The following AIFM2 variants were observed in gnomAD, a reference collection of about 807,000 sequenced individuals.
The protein encoded by AIFM2 is ferroptosis suppressor protein 1.
Under a neutral mutation model 35.7 loss-of-function variants are expected in AIFM2, and 38 were observed. That is an observed-to-expected ratio of 1.06 (90% CI 0.82 to 1.39). AIFM2 has a LOEUF of 1.39. AIFM2 is among the 40% of genes most tolerant of loss of function. The pLI is 0.00. For missense variants in AIFM2, 476 were observed against 491.2 expected, an observed-to-expected ratio of 0.97 and a Z score of 0.29; for synonymous variants, 185 against 203.5, an observed-to-expected ratio of 0.91 and a Z score of 0.77.
intron 3 of AIFM2, 64 bp downstream of exon 3, chr10:70,123,341 G>T: frequency 1.4e-6 from 2 of 1,419,166 alleles, no homozygotes; most frequent in Non-Finnish European, 2.0e-6. Flanking sequence ...GACCCTGGAG[G>T]ATCCCGCCCA....
chr10:70,124,415 G>GTTC (rs2072544244), intron 1 of AIFM2, among the ~76,000 whole-genome samples: 1 of 152,132 alleles, frequency 6.6e-6, no homozygotes, highest in Non-Finnish European at 1.5e-5. Flanking sequence ...TAAACAAAGT[G>GTTC]TTCTGCACAT....
In AIFM2 at chr10:70,114,085, T is replaced by C. The variant is rs1389290832; in HGVS notation, c.*93A>G. On this transcript the variant is annotated 3_prime_UTR_variant, in exon 9 of 9. Transcript: ENST00000307864. ...TCATTGGCATCTTATTCCAGAAGAA[T>C]AGCATTAGTTCTAGCACTTGCCAGG... is the stretch of plus-strand genomic sequence containing the variant. 14 of 1,444,386 alleles carry C rather than the reference T, an allele frequency of 9.7e-6. No individual in the cohort carries two copies. In the Admixed American group the frequency reaches 1.2e-4, roughly 12 times the overall value. 89.5% of individuals were successfully genotyped at this position (1,444,386 alleles called of 1,614,324 possible).
At chr10:70,121,000 A>G in intron 4 of AIFM2, 92 bp downstream of exon 4, 1 of 1,519,980 alleles carries the variant, frequency 6.6e-7, no homozygotes, top group Non-Finnish European at 8.8e-7. Flanking sequence ...AGCTCTGAGT[A>G]ACCCCGTGGC....
Position 70,131,756 on chromosome 10 carries a change from T to G in AIFM2, c.-14+978A>C, listed in dbSNP as rs1181752264. Among the ~76,000 whole-genome samples, 1 of 152,158 alleles carries G rather than the reference T, an allele frequency of 6.6e-6. No individual in the cohort carries two copies. Among genetic ancestry groups the G allele is most frequent in the Non-Finnish European group, 1.5e-5 (1 of 68,016 alleles). On this transcript the variant is annotated intron_variant, in intron 1 of 8. Coordinates refer to ENST00000307864, the MANE Select transcript of AIFM2 (RefSeq NM_032797.6). This position sits in a 1 kb window ranked among gnomAD's most constrained non-coding sequence, Gnocchi z 4.1. ...CTAAGCCTGCCCAGCCCACCCTGGC[T>G]GGGGCTCAGTGCCCTCTTCTTGGTG... is the stretch of plus-strand genomic sequence containing the variant.
rs1352279508 is a variant in AIFM2 at position 70,112,373 on chromosome 10, C to G, written c.*1805G>C. On this transcript the variant is annotated 3_prime_UTR_variant, in exon 9 of 9. Transcript: ENST00000307864. The stretch of plus-strand genomic sequence containing the variant: ...AATATTGTAAGTCAATAGAAGAAGG[C>G]CTGTCGCTCACACACTGGGATTCCC... 2 of 152,312 alleles carry G rather than the reference C, an allele frequency of 1.3e-5. No homozygotes were observed. The highest frequency in any genetic ancestry group is 2.9e-5 in the Non-Finnish European group (2 of 68,024). The allele number at this position is 152,312 out of a possible 1,614,324, so 9.4% of individuals were successfully genotyped here. A position where few individuals can be genotyped will look rare whatever the true frequency, so the allele number is the denominator to read the frequency against.
chr10:70,123,920 G>A lies in AIFM2; in HGVS notation c.165C>T (p.Ala55=). The A allele has an allele frequency of 1.3e-6, 2 of 1,589,746 alleles. No homozygotes were observed. Among genetic ancestry groups the A allele is most frequent in the South Asian group, 1.1e-5 (1 of 89,380 alleles). Reference sequence around the variant, plus strand: ...GGAGCACATTACCTGTCTCCACGGAGGCTCGGAGAGCAGCCACATTGTGGT... The same window carrying A: ...GGAGCACATTACCTGTCTCCACGGAAGCTCGGAGAGCAGCCACATTGTGGT... ...SFHHNVAALR[A]SVETGFAKKT... Residue 55 remains alanine, a synonymous_variant, in exon 2 of 9, where the codon GCC becomes GCT. Coordinates refer to ENST00000307864, the MANE Select transcript of AIFM2 (RefSeq NM_032797.6).
chr10:70,130,871 T>C (rs2072619612), intron 1 of AIFM2, among the ~76,000 whole-genome samples: 1 of 152,144 alleles, frequency 6.6e-6, no homozygotes, highest in Admixed American at 6.5e-5. Flanking sequence ...CAAACCCTGA[T>C]TGTCCAGGAA....
chr10:70,129,874 T>C (rs73273556), intron 1 of AIFM2, among the ~76,000 whole-genome samples: 6,603 of 137,604 alleles, frequency 0.048, 484 homozygotes, highest in African/African-American at 0.15. Context: ...CCAGCCTAGA[T>C]GAGACCCCAT....
At chr10:70,127,890 T>G (rs989448424) in intron 1 of AIFM2, among the ~76,000 whole-genome samples, 1 of 152,186 alleles carries the variant, frequency 6.6e-6, no homozygotes, top group African/African-American at 2.4e-5. Flanking sequence ...CTGCTCTCTC[T>G]CTCTTCTCTC....
chr10:70,126,081 A>G (rs1402324337), intron 1 of AIFM2, among the ~76,000 whole-genome samples: 2 of 152,206 alleles, frequency 1.3e-5, no homozygotes, highest in African/African-American at 4.8e-5. Flanking sequence ...AGCCCAGCAG[A>G]ACCCCAAATT....
intron 1 of AIFM2, among the ~76,000 whole-genome samples, chr10:70,127,362 C>T (rs551974522): frequency 1.7e-4 from 26 of 152,286 alleles, no homozygotes; most frequent in African/African-American, 6.0e-4. Context: ...CAGGGACACT[C>T]AAAAAGGACA....
intron 7 of AIFM2, among the ~76,000 whole-genome samples, chr10:70,115,521 C>T (rs2072426233): frequency 6.6e-6 from 1 of 152,242 alleles, no homozygotes; most frequent in Non-Finnish European, 1.5e-5. Context: ...AATCCCAACT[C>T]TTTGGGAGGC....
chr10:70,120,693 C>T, intron 4 of AIFM2, 94 bp from the exon 5 acceptor site: 1 of 1,388,528 alleles, frequency 7.2e-7, no homozygotes, highest in Non-Finnish European at 1.0e-6. Context: ...GCTCCCTGGG[C>T]CAAAGGAGGG....
rs2072540675 is a variant in AIFM2, at chr10:70,124,109, A to G, written c.-13-12T>C. The G allele has an allele frequency of 2.1e-6, 3 of 1,458,328 alleles. No homozygotes were observed. The highest frequency in any genetic ancestry group is 2.7e-6 in the Non-Finnish European group (3 of 1,096,730). 90.3% of individuals were successfully genotyped at this position (1,458,328 alleles called of 1,614,324 possible). A position where few individuals can be genotyped will look rare whatever the true frequency, so the allele number is the denominator to read the frequency against. On this transcript the variant is annotated splice_polypyrimidine_tract_variant and intron_variant, in intron 1 of 8. Coordinates refer to ENST00000307864, the MANE Select transcript of AIFM2 (RefSeq NM_032797.6). ...TCTCAAATCAGGCACTGCTGGGAAG[A>G]AAGAGGAGAGCATATCAGAGTCAGG...
Position 70,113,784 on chromosome 10 carries a change from A to G in AIFM2, c.*394T>C, listed in dbSNP as rs532040164. ...CTCACAGACAGACACTGGCCACCAG[A>G]GCCCAGCAATCTGCCCTGCTCTGAG... is the stretch of plus-strand genomic sequence containing the variant. On this transcript the variant is annotated 3_prime_UTR_variant, in exon 9 of 9. Transcript: ENST00000307864. 1 of 166,690 alleles carries G rather than the reference A, an allele frequency of 6.0e-6. No homozygotes were observed. Among genetic ancestry groups the G allele is most frequent in the East Asian group, 1.8e-4 (1 of 5,450 alleles). 10.3% of individuals were successfully genotyped at this position (166,690 alleles called of 1,614,324 possible).
At chr10:70,125,871 T>C (rs1003992898) in intron 1 of AIFM2, among the ~76,000 whole-genome samples, 5 of 152,230 alleles carry the variant, frequency 3.3e-5, no homozygotes, top group African/African-American at 4.8e-5. Context: ...ACACATTAAA[T>C]AAATTTATAT....
chr10:70,129,967 T>C (rs1261667940), intron 1 of AIFM2, among the ~76,000 whole-genome samples: 1 of 152,028 alleles, frequency 6.6e-6, no homozygotes, highest in Non-Finnish European at 1.5e-5. Context: ...GCAGATTGCT[T>C]GAGCTCCGGA....
At chr10:70,124,937 G>A (rs76979271) in intron 1 of AIFM2, among the ~76,000 whole-genome samples, 1 of 152,128 alleles carries the variant, frequency 6.6e-6, no homozygotes, top group Non-Finnish European at 1.5e-5. Context: ...TTAAGAGGTG[G>A]GGCCTAATCG....
At chr10:70,121,416 C>A (rs1437696656) in intron 3 of AIFM2, among the ~76,000 whole-genome samples, 1 of 151,954 alleles carries the variant, frequency 6.6e-6, no homozygotes, top group Non-Finnish European at 1.5e-5. Flanking sequence ...GGCACTAGAA[C>A]CTGGGGAAAG....
Sources: allele counts gnomAD v4.1 joint callset (sites outside exome capture counted in the v4.1 genomes callset), GRCh38; gene constraint gnomAD v4.1.1; non-coding constraint Gnocchi (gnomAD v3.1); transcripts MANE v1.5; gene names NCBI Gene and HGNC (gene_info 2026-07-23, HGNC 2026-07-21).